OR1F1: variants seen among roughly 807,000 people sequenced by gnomAD.
OR1F1 encodes olfactory receptor 1F1.
For missense variants in OR1F1, 493 were observed against 376.3 expected (o/e 1.31, Z -2.57); for synonymous variants, 184 against 156.7 (o/e 1.17, Z -1.30).
the OR1F1 span, chr16:3,188,454 C>G: frequency 2.0e-5 from 3 of 152,250 alleles, no homozygotes; most frequent in African/African-American, 7.2e-5. Context: ...TTCTAGGATT[C>G]CAGAGTATGG....
At chr16:3,193,102 T>G in the OR1F1 span, among the ~76,000 whole-genome samples, 4 of 152,074 alleles carry the variant, frequency 2.6e-5, no homozygotes, top group Non-Finnish European at 4.4e-5. Context: ...AATTTTTGTA[T>G]TTTTAGTAGA....
chr16:3,196,538 G>A, the OR1F1 span, among the ~76,000 whole-genome samples: 1 of 151,016 alleles, frequency 6.6e-6, no homozygotes, highest in East Asian at 2.0e-4. Flanking sequence ...CACGCACTAC[G>A]ACACCCAGCT....
At chr16:3,201,025 C>T (rs1958129775), upstream of OR1F1, among the ~76,000 whole-genome samples, 1 of 152,202 alleles carries the variant, frequency 6.6e-6, no homozygotes, top group East Asian at 1.9e-4. Flanking sequence ...CTTCCTGTCT[C>T]TATGGATTTG....
upstream of OR1F1, among the ~76,000 whole-genome samples, chr16:3,202,915 T>C (rs1031508832): frequency 1.2e-4 from 19 of 152,244 alleles, no homozygotes; most frequent in Admixed American, 2.6e-4. Flanking sequence ...CAACTGGTAA[T>C]GGTGGATCTG....
chr16:3,191,506 G>C, the OR1F1 span, among the ~76,000 whole-genome samples: 2 of 152,130 alleles, frequency 1.3e-5, no homozygotes, highest in African/African-American at 2.4e-5. Context: ...GGGAAGCCCG[G>C]CTAGCTCAGT....
the OR1F1 span, among the ~76,000 whole-genome samples, chr16:3,195,425 G>A: frequency 6.6e-6 from 1 of 151,746 alleles, no homozygotes; most frequent in South Asian, 2.1e-4. Flanking sequence ...AACAGGGCCC[G>A]GCGCGGTGGC....
At chr16:3,204,574 A>T (rs759357058) in exon 1 of OR1F1, 4 of 1,614,172 alleles carry the variant, frequency 2.5e-6, no homozygotes, top group Middle Eastern at 1.6e-4. Context: ...GTTCGTGGAC[A>T]TGGACAATTT....
At chr16:3,191,522 G>A in the OR1F1 span, among the ~76,000 whole-genome samples, 1 of 152,208 alleles carries the variant, frequency 6.6e-6, no homozygotes, top group Non-Finnish European at 1.5e-5. Context: ...TCAGTCGGTA[G>A]AGCATGGGAC....
chr16:3,196,610 A>G, the OR1F1 span, among the ~76,000 whole-genome samples: 1 of 149,108 alleles, frequency 6.7e-6, no homozygotes, highest in Non-Finnish European at 1.5e-5. Flanking sequence ...CTGGTCTTGA[A>G]CTCCTGGGCT....
chr16:3,203,641 A>G (rs1210437398), upstream of OR1F1, among the ~76,000 whole-genome samples: 19 of 152,168 alleles, frequency 1.2e-4, no homozygotes, highest in Admixed American at 1.2e-3. Context: ...GCACGTGCCT[A>G]TAATCCCAGC....
the OR1F1 span, among the ~76,000 whole-genome samples, chr16:3,197,137 C>T: frequency 6.6e-6 from 1 of 151,218 alleles, no homozygotes; most frequent in Non-Finnish European, 1.5e-5. Flanking sequence ...CAGCCTCCCA[C>T]AGTGCTGAGA....
the OR1F1 span, among the ~76,000 whole-genome samples, chr16:3,192,086 T>G: frequency 6.6e-6 from 1 of 152,174 alleles, no homozygotes; most frequent in Non-Finnish European, 1.5e-5. Context: ...AGACAGAGTC[T>G]CGCTCGGTCG....
chr16:3,192,706 A>C, the OR1F1 span, among the ~76,000 whole-genome samples: 4 of 152,080 alleles, frequency 2.6e-5, no homozygotes, highest in African/African-American at 9.7e-5. Context: ...CGAGCCTGGA[A>C]AAGCGAGGTG....
chr16:3,200,300 T>C (rs988740292), upstream of OR1F1, among the ~76,000 whole-genome samples: 1 of 152,096 alleles, frequency 6.6e-6, no homozygotes, highest in East Asian at 1.9e-4. Flanking sequence ...CCCAGGGATA[T>C]GTTTTTTACT....
the OR1F1 span, among the ~76,000 whole-genome samples, chr16:3,196,898 A>G: frequency 6.7e-6 from 1 of 148,994 alleles, no homozygotes; most frequent in African/African-American, 2.5e-5. Flanking sequence ...TTTCTTTGAG[A>G]CAGAGTCTCA....
the OR1F1 span, among the ~76,000 whole-genome samples, chr16:3,188,658 C>T: frequency 2.6e-5 from 4 of 151,978 alleles, no homozygotes; most frequent in Non-Finnish European, 5.9e-5. Flanking sequence ...CACCCCCAGA[C>T]CCCGGGGCCT....
the OR1F1 span, among the ~76,000 whole-genome samples, chr16:3,191,065 G>A: frequency 6.6e-6 from 1 of 152,190 alleles, no homozygotes; most frequent in South Asian, 2.1e-4. Flanking sequence ...GAGGACTTCT[G>A]TGAGCTCCCA....
At chr16:3,202,125 G>A (rs377232713), upstream of OR1F1, among the ~76,000 whole-genome samples, 326 of 152,256 alleles carry the variant, frequency 2.1e-3, 1 homozygote, top group African/African-American at 7.3e-3. Flanking sequence ...TTTGGGGCTC[G>A]CTTGTCCTGC....
chr16:3,204,682 G>T (rs1347216321), exon 1 of OR1F1: 2 of 1,614,152 alleles, frequency 1.2e-6, no homozygotes, highest in Admixed American at 3.3e-5. Flanking sequence ...CCTGCTGGTT[G>T]CTGGATTATG....
Sources: allele counts gnomAD v4.1 joint callset (sites outside exome capture counted in the v4.1 genomes callset), GRCh38; gene constraint gnomAD v4.1.1; transcripts MANE v1.5; gene names NCBI Gene and HGNC (gene_info 2026-07-23, HGNC 2026-07-21).